Variants in SYNPO2 observed in about 807,000 individuals in gnomAD.
SYNPO2 encodes synaptopodin 2.
A neutral mutation model predicts 85.0 loss-of-function variants in SYNPO2; 56 were observed. That is an observed-to-expected ratio of 0.66 (90% confidence interval 0.53 to 0.82). The LOEUF (loss-of-function observed/expected upper bound fraction) is 0.82, where lower values mean the gene tolerates loss of function less well. SYNPO2 is among the 40% of genes least tolerant of loss of function. The probability of loss-of-function intolerance (pLI) is 0.00; values close to 1 mark genes in which losing one functional copy is unlikely to be tolerated. For synonymous variants in SYNPO2, 602 were observed against 591.1 expected (o/e 1.02, Z -0.27); for missense variants, 1,575 against 1,534.2 (o/e 1.03, Z -0.44).
chr4:119,054,591 T>C (rs1242937993), intron 4 of SYNPO2, among the ~76,000 whole-genome samples: 1 of 152,144 alleles, frequency 6.6e-6, no homozygotes, highest in Non-Finnish European at 1.5e-5. Flanking sequence ...GCTGTCTCTC[T>C]GAAGTCTGGC....
rs547773410 is a variant in SYNPO2, at chr4:118,879,812, C to T, written c.12+28872C>T. Among the ~76,000 whole-genome samples the T allele has an allele frequency of 1.1e-4, 17 of 152,176 alleles. No individual in the cohort carries two copies. In the East Asian group the frequency reaches 2.9e-3, roughly 26 times the overall value. On this transcript the variant is annotated intron_variant, in intron 1 of 4. Transcript: ENST00000610556. The stretch of plus-strand genomic sequence containing the variant: ...ACGTAACTGCAACTTTTGTGACATG[C>T]GTGTGGCTGAAGAATGTTGGCGGGG...
intron 1 of SYNPO2, among the ~76,000 whole-genome samples, chr4:119,013,850 C>A (rs1443955750): frequency 6.6e-6 from 1 of 152,076 alleles, no homozygotes; most frequent in Non-Finnish European, 1.5e-5. Flanking sequence ...GCAAAATGGA[C>A]CAATAGATTT....
chr4:119,031,860 GCCTATA>G lies in SYNPO2; in HGVS notation c.3089_3094del (p.Tyr1030_Thr1031del). The G allele has an allele frequency of 6.2e-7, 1 of 1,614,218 alleles. No individual in the cohort carries two copies. Among genetic ancestry groups the G allele is most frequent in the Non-Finnish European group, 8.5e-7 (1 of 1,180,046 alleles). On this transcript the variant is annotated inframe_deletion, in exon 4 of 5. Coordinates refer to ENST00000307142, the MANE Select transcript of SYNPO2 (RefSeq NM_133477.3). ...GGCTTCGTCAGTGTACTCGGTACCAGCCTATACCTCTCCTCCTTCCTTCTTTGCAGA... is the reference window on the plus strand; with the variant it reads ...GGCTTCGTCAGTGTACTCGGTACCAGCCTCTCCTCCTTCCTTCTTTGCAGA...
chr4:118,900,721 ATATATATATATGTC>A (rs1276678651), intron 1 of SYNPO2, among the ~76,000 whole-genome samples: 25 of 118,842 alleles, frequency 2.1e-4, no homozygotes, highest in South Asian at 6.1e-4. Context: ...ATATATATAT[ATATATATATATGTC>A]TGTCTGTCTA....
At chr4:119,035,974 AAACCCTCCT>A (rs1394570457) in intron 4 of SYNPO2, 7 of 985,290 alleles carry the variant, frequency 7.1e-6, no homozygotes, top group Non-Finnish European at 8.4e-6. Flanking sequence ...CTTTCACAGT[AAACCCTCCT>A]AAGAGCAGAA....
At chr4:118,851,550 T>C (rs911241032) in intron 1 of SYNPO2, among the ~76,000 whole-genome samples, 2 of 152,248 alleles carry the variant, frequency 1.3e-5, no homozygotes, top group Non-Finnish European at 2.9e-5. Flanking sequence ...CTTTTGCTTA[T>C]ATAAGATATA....
At chr4:118,915,719 G>A (rs934514397) in intron 1 of SYNPO2, among the ~76,000 whole-genome samples, 2 of 152,086 alleles carry the variant, frequency 1.3e-5, no homozygotes, top group African/African-American at 4.8e-5. Flanking sequence ...CTGGGTCATA[G>A]GTTTGTAAAT....
In SYNPO2 at chr4:119,057,704, A is replaced by G; in HGVS notation, c.3556A>G (p.Thr1186Ala). 1 of 1,614,136 alleles carries G rather than the reference A, an allele frequency of 6.2e-7. No homozygotes were observed. Residue 1186 changes from threonine to alanine, a missense_variant, in exon 5 of 5, where the codon ACC becomes GCC. Coordinates refer to ENST00000307142, the MANE Select transcript of SYNPO2 (RefSeq NM_133477.3). ...TGAAAGACTGTCCTATATTCCTCAA[A>G]CCCAGAAGGCCTATATGGGCTCATG... The part of the protein sequence containing the change: ...WNERLSYIPQ[T>A]QKAYMGSCGR...
At chr4:118,916,729 C>CTTTTTTTTTTT (rs199715189) in intron 1 of SYNPO2, among the ~76,000 whole-genome samples, 2 of 117,038 alleles carry the variant, frequency 1.7e-5, no homozygotes, top group South Asian at 2.7e-4. Context: ...ATTTTTCTTT[C>CTTTTTTTTTTT]TTTTTTTTTT....
chr4:119,026,501 A>T, intron 2 of SYNPO2, 126 bp from the exon 3 acceptor site: 1 of 1,044,084 alleles, frequency 9.6e-7, no homozygotes, highest in South Asian at 2.1e-5. Flanking sequence ...AATATGTTGC[A>T]ACTGACATTT....
chr4:119,032,343 C>T (rs1180159424), intron 4 of SYNPO2: 3 of 1,261,532 alleles, frequency 2.4e-6, no homozygotes, highest in South Asian at 1.9e-5. Flanking sequence ...TGTGCTGTAG[C>T]CACAAGAAAG....
At chr4:118,960,423 C>T (rs575050741) in intron 1 of SYNPO2, among the ~76,000 whole-genome samples, 2 of 152,248 alleles carry the variant, frequency 1.3e-5, no homozygotes, top group East Asian at 1.9e-4. Context: ...GAAACTAGCT[C>T]ATATTGCTGG....
chr4:118,878,570 G>T (rs968175975), intron 1 of SYNPO2, among the ~76,000 whole-genome samples: 22 of 151,968 alleles, frequency 1.4e-4, no homozygotes, highest in Non-Finnish European at 2.1e-4. Flanking sequence ...TCTAGCTAAA[G>T]GTTTGTAAAC....
At chr4:118,906,368 G>C (rs938463699) in intron 1 of SYNPO2, among the ~76,000 whole-genome samples, 2 of 152,138 alleles carry the variant, frequency 1.3e-5, no homozygotes, top group African/African-American at 4.8e-5. Flanking sequence ...ATTGAACTGA[G>C]AATCAGGAGA....
chr4:118,955,750 GA>G (rs1231439921), intron 1 of SYNPO2, among the ~76,000 whole-genome samples: 2 of 151,618 alleles, frequency 1.3e-5, no homozygotes, highest in African/African-American at 4.9e-5. Flanking sequence ...ACTCTCATGT[GA>G]AGAATGTGGA....
chr4:118,983,588 A>G (rs962699758), intron 1 of SYNPO2, among the ~76,000 whole-genome samples: 3 of 152,148 alleles, frequency 2.0e-5, no homozygotes, highest in African/African-American at 2.4e-5. Context: ...TCAGAATTCA[A>G]TAACAAGCAT....
intron 1 of SYNPO2, among the ~76,000 whole-genome samples, chr4:118,956,612 G>A (rs548415695): frequency 3.3e-5 from 5 of 152,244 alleles, no homozygotes; most frequent in East Asian, 3.9e-4. Flanking sequence ...TATTCAGAAC[G>A]CAAGAGGAAG....
At chr4:118,972,152 A>G (rs1289279918) in intron 1 of SYNPO2, among the ~76,000 whole-genome samples, 1 of 152,198 alleles carries the variant, frequency 6.6e-6, no homozygotes, top group East Asian at 1.9e-4. Flanking sequence ...ACTTATAAAA[A>G]CAATTCTGAG....
At chr4:118,909,423 T>G (rs921944985) in intron 1 of SYNPO2, among the ~76,000 whole-genome samples, 1 of 152,094 alleles carries the variant, frequency 6.6e-6, no homozygotes, top group South Asian at 2.1e-4. Flanking sequence ...GTGTGAGATA[T>G]GAAGATGCCT....
Sources: allele counts gnomAD v4.1 joint callset (sites outside exome capture counted in the v4.1 genomes callset), GRCh38; gene constraint gnomAD v4.1.1; transcripts MANE v1.5; gene names NCBI Gene and HGNC (gene_info 2026-07-23, HGNC 2026-07-21).